The following ANXA4 variants were observed in gnomAD, a reference collection of about 807,000 sequenced individuals.
ANXA4 encodes 35-beta calcimedin.
In ANXA4, 39 loss-of-function variants were observed where a neutral mutation model predicts 49.8. The observed-to-expected ratio is 0.78, with a 90% CI of 0.61 to 1.02. ANXA4 has a LOEUF of 1.02. Among genes scored for constraint, ANXA4 ranks in the 50% least tolerant of loss-of-function variants. ANXA4 has a pLI of 0.00. For synonymous variants in ANXA4, 134 were observed against 152.5 expected (o/e 0.88, Z 0.89); for missense variants, 360 against 410.1 (o/e 0.88, Z 1.05).
chr2:69,735,449 G>T (rs761074570), intron 3 of ANXA4, among the ~76,000 whole-genome samples: 1 of 152,102 alleles, frequency 6.6e-6, no homozygotes, highest in African/African-American at 2.4e-5. Flanking sequence ...GGGTGCTTTA[G>T]AACACTAGTC....
chr2:69,818,220 T>G (rs1189418348), intron 9 of ANXA4: 2 of 155,968 alleles, frequency 1.3e-5, no homozygotes, highest in African/African-American at 4.8e-5. Context: ...CTAGTTTTGA[T>G]GAGCCAAAAG....
intron 1 of ANXA4, among the ~76,000 whole-genome samples, chr2:69,650,809 A>G (rs1368980348): frequency 6.6e-6 from 1 of 152,246 alleles, no homozygotes; most frequent in Non-Finnish European, 1.5e-5. Flanking sequence ...TACCCTTGCC[A>G]GCACTGAGTT....
chr2:69,754,211 T>A (rs1013619865), intron 1 of ANXA4, among the ~76,000 whole-genome samples: 6 of 152,136 alleles, frequency 3.9e-5, no homozygotes, highest in Non-Finnish European at 5.9e-5. Flanking sequence ...TGTTATAACT[T>A]CCCCCATTAA....
intron 1 of ANXA4, among the ~76,000 whole-genome samples, chr2:69,650,855 A>T (rs1158668264): frequency 6.6e-6 from 1 of 152,194 alleles, no homozygotes; most frequent in East Asian, 1.9e-4. Flanking sequence ...TCATTTTGTT[A>T]GGTAGGAATG....
chr2:69,724,469 A>G lies in ANXA4; in HGVS notation n.864+3598A>G, dbSNP rs114068330. Among the ~76,000 whole-genome samples the G allele has an allele frequency of 6.4e-3, 980 of 152,310 alleles. 13 individuals are homozygous for G. Among genetic ancestry groups the G allele is most frequent in the African/African-American group, 0.022 (931 of 41,548 alleles). The stretch of plus-strand genomic sequence containing the variant: ...ATTAGTACAAATACGTCAGGCAGGT[A>G]TGGGCTAATTGCAGCCTTGTGTCCC... On this transcript the variant is annotated intron_variant and non_coding_transcript_variant, in intron 3 of 3. Coordinates refer to the ANXA4 transcript ENST00000418066.
At chr2:69,798,778 CT>C (rs2103776585) in intron 3 of ANXA4, among the ~76,000 whole-genome samples, 1 of 152,280 alleles carries the variant, frequency 6.6e-6, no homozygotes, top group Non-Finnish European at 1.5e-5. Context: ...GAGTCCGCTC[CT>C]TTACTCACCA....
chr2:69,771,633 G>T (rs916520781), intron 1 of ANXA4, among the ~76,000 whole-genome samples: 2 of 152,148 alleles, frequency 1.3e-5, no homozygotes, highest in African/African-American at 4.8e-5. Context: ...AGAAGTTCTT[G>T]TTCCACATCC....
In ANXA4 at chr2:69,757,262, ATATATTTTTTTTTTTTTTT is replaced by A. The variant is rs1470099609; in HGVS notation, c.-47+15089_-47+15107del. Among the ~76,000 whole-genome samples, 6 of 50,260 alleles carry A rather than the reference ATATATTTTTTTTTTTTTTT, an allele frequency of 1.2e-4. 1 individual carries two copies. Among genetic ancestry groups the A allele is most frequent in the African/African-American group, 6.1e-4 (6 of 9,834 alleles). 33.0% of individuals were successfully genotyped at this position (50,260 alleles called of 152,430 possible). A position where few individuals can be genotyped will look rare whatever the true frequency, so the allele number is the denominator to read the frequency against. ...TTTATATATATATATATATATATAT[ATATATTTTTTTTTTTTTTT>A]TTTTTTTTAGGTGGAGTCTCGCTGT... is the stretch of plus-strand genomic sequence containing the variant. On this transcript the variant is annotated intron_variant, in intron 1 of 12. Transcript: ENST00000394295.
At chr2:69,716,571 G>A (rs988435429) in intron 2 of ANXA4, among the ~76,000 whole-genome samples, 6 of 152,098 alleles carry the variant, frequency 3.9e-5, no homozygotes, top group African/African-American at 1.2e-4. Flanking sequence ...AGGGCGACAG[G>A]GAGCCCCCAA....
chr2:69,751,033 G>A (rs1670819858), intron 1 of ANXA4, among the ~76,000 whole-genome samples: 1 of 152,132 alleles, frequency 6.6e-6, no homozygotes, highest in Admixed American at 6.5e-5. Context: ...CAGACATCTG[G>A]TATGATATTT....
chr2:69,776,556 T>G (rs1056005540), intron 1 of ANXA4, among the ~76,000 whole-genome samples: 1 of 144,948 alleles, frequency 6.9e-6, no homozygotes, highest in Non-Finnish European at 1.6e-5. Flanking sequence ...CAAGCAGTTC[T>G]TCAGTTCTCT....
chr2:69,671,087 T>C (rs1677166653), intron 2 of ANXA4, among the ~76,000 whole-genome samples: 1 of 146,086 alleles, frequency 6.8e-6, no homozygotes, highest in African/African-American at 2.5e-5. Context: ...AGAATGGACC[T>C]AAAATGTGAA....
chr2:69,771,565 A>G (rs1247627056), intron 1 of ANXA4, among the ~76,000 whole-genome samples: 1 of 152,170 alleles, frequency 6.6e-6, no homozygotes, highest in African/African-American at 2.4e-5. Flanking sequence ...TGGGTGAGAG[A>G]GGAGAATGCA....
intron 1 of ANXA4, among the ~76,000 whole-genome samples, chr2:69,757,238 T>TTATATATATATATATATATATATA (rs869068494): frequency 1.7e-5 from 1 of 59,060 alleles, no homozygotes; most frequent in African/African-American, 6.3e-5. Flanking sequence ...CATTTTTGTT[T>TTATATATATATATATATATATATA]TATATATATA....
Position 69,804,622 on chromosome 2 carries a change from G to T in ANXA4, c.187G>T (p.Gly63Cys). The T allele has an allele frequency of 6.2e-7, 1 of 1,611,808 alleles. No individual in the cohort carries two copies. Among genetic ancestry groups the T allele is most frequent in the Non-Finnish European group, 8.5e-7 (1 of 1,178,948 alleles). ...CAGGACAGCCTACAAGAGCACCATC[G>T]GCAGGGTAGGCCACAGTCTTTCCTG... ...EIRTAYKSTI[G>C]RDLIDDLKSE... Residue 63 changes from glycine (G) to cysteine (C), a missense_variant, in exon 4 of 13, where the codon GGC (glycine) becomes TGC (cysteine). Coordinates refer to ENST00000394295, the MANE Select transcript of ANXA4 (RefSeq NM_001153.5).
intron 3 of ANXA4, among the ~76,000 whole-genome samples, chr2:69,791,203 C>T (rs1384234714): frequency 1.3e-5 from 2 of 152,148 alleles, no homozygotes; most frequent in Non-Finnish European, 2.9e-5. Flanking sequence ...AAGTGACATT[C>T]TTTACTCACT....
intron 9 of ANXA4, chr2:69,816,482 C>A (rs1309455426): frequency 7.0e-6 from 2 of 287,122 alleles, no homozygotes; most frequent in South Asian, 5.6e-5. Flanking sequence ...CTAAAGTAGC[C>A]CCAGTATTTT....
chr2:69,721,806 A>G (rs1238023628), intron 3 of ANXA4, among the ~76,000 whole-genome samples: 1 of 152,226 alleles, frequency 6.6e-6, no homozygotes, highest in Non-Finnish European at 1.5e-5. Flanking sequence ...TCTTTTATAG[A>G]AAAACCTTTA....
chr2:69,779,922 T>C lies in ANXA4; in HGVS notation c.-46-1598T>C, dbSNP rs566405988. 2.7e-3 allele frequency among the ~76,000 whole-genome samples: 416 copies of C among 152,252 alleles called. 7 individuals carry two copies. Among genetic ancestry groups the C allele is most frequent in the Admixed American group, 5.2e-3 (79 of 15,294 alleles). ...AGGACTAGTTGGTTCTCCCCTTAGT[T>C]GAACCCCCAGGTAATAGGGGGTAAG... On this transcript the variant is annotated intron_variant, in intron 1 of 12. Transcript: ENST00000394295.
Sources: gnomAD v4.1 joint callset for allele counts (sites outside exome capture counted in the v4.1 genomes callset) on GRCh38, gnomAD v4.1.1 for gene constraint, MANE v1.5 for transcripts, NCBI Gene and HGNC (gene_info 2026-07-23, HGNC 2026-07-21) for gene names.